The following VEPH1 variants were observed in gnomAD, a reference collection of about 807,000 sequenced individuals.
The protein encoded by VEPH1 is ventricular zone expressed PH domain containing 1, also known as ventricular zone-expressed PH domain-containing protein homolog 1.
Under a neutral mutation model 85.2 loss-of-function variants are expected in VEPH1, and 80 were observed. The observed-to-expected ratio is 0.94, with a 90% CI of 0.78 to 1.13. The LOEUF (loss-of-function observed/expected upper bound fraction) is 1.13. Ranked by LOEUF, VEPH1 falls within the 50% of genes most tolerant of loss-of-function variation. The pLI, the probability that VEPH1 is intolerant of heterozygous loss-of-function variation, is 0.00. For missense variants in VEPH1, 955 were observed against 980.5 expected (o/e 0.97, Z 0.35); for synonymous variants, 297 against 348.0 (o/e 0.85, Z 1.63).
Position 157,304,019 on chromosome 3 carries a change from T to TATATATATATATA in VEPH1, c.2010+9601_2010+9602insTATATATATATAT, listed in dbSNP as rs71872669. Among the ~76,000 whole-genome samples the TATATATATATATA allele has an allele frequency of 7.6e-4, 40 of 52,296 alleles. 1 individual carries two copies. The highest frequency in any genetic ancestry group is 7.5e-3 in the East Asian group (11 of 1,466). 34.3% of individuals were successfully genotyped at this position (52,296 alleles called of 152,430 possible). ...GTAGACTTAAATTTCTCATCTTATA[T>TATATATATATATA]TTTTTATATATATATATATACACAC... On this transcript the variant is annotated intron_variant, in intron 11 of 13. Coordinates refer to ENST00000362010, the MANE Select transcript of VEPH1 (RefSeq NM_001167912.2).
In VEPH1 at chr3:157,369,190, A is replaced by AAAC. The variant is rs1553773082; in HGVS notation, c.1128-4679_1128-4678insGTT. 1.1e-3 allele frequency among the ~76,000 whole-genome samples: 158 copies of AAAC among 145,336 alleles called. 6 individuals are homozygous for AAAC. The highest frequency in any genetic ancestry group is 3.7e-3 in the African/African-American group (147 of 39,920). ...CAACAAAAACCAAATGAAAAAAAAA[A>AAAC]AAAAAAAAAAAAAACCTCCTGAGGT... is the stretch of plus-strand genomic sequence containing the variant. On this transcript the variant is annotated intron_variant, in intron 7 of 13. Transcript: ENST00000362010.
At chr3:157,457,319 T>C (rs1359985490) in intron 4 of VEPH1, among the ~76,000 whole-genome samples, 2 of 152,206 alleles carry the variant, frequency 1.3e-5, no homozygotes, top group Non-Finnish European at 2.9e-5. Flanking sequence ...GATCATGTCA[T>C]CTACAAATAG....
chr3:157,480,357 A>G (rs941112267), intron 2 of VEPH1, among the ~76,000 whole-genome samples: 1 of 152,134 alleles, frequency 6.6e-6, no homozygotes, highest in African/African-American at 2.4e-5. Context: ...TTACAAGAGT[A>G]TATTTTATGA....
intron 4 of VEPH1, among the ~76,000 whole-genome samples, chr3:157,440,527 T>G (rs1282279898): frequency 6.6e-6 from 1 of 152,168 alleles, no homozygotes; most frequent in Non-Finnish European, 1.5e-5. Context: ...GCATATCTTC[T>G]TTAGGTTGTT....
intron 6 of VEPH1, among the ~76,000 whole-genome samples, chr3:157,389,692 T>C (rs1007725169): frequency 3.9e-5 from 5 of 128,026 alleles, no homozygotes; most frequent in East Asian, 2.3e-4. Flanking sequence ...GATAGATAGA[T>C]AGAAATGCGT....
At chr3:157,358,982 G>A (rs1035151304) in intron 9 of VEPH1, among the ~76,000 whole-genome samples, 20 of 152,070 alleles carry the variant, frequency 1.3e-4, no homozygotes, top group African/African-American at 4.8e-4. Flanking sequence ...GTGACAGAGT[G>A]AGACTCCATC....
At chr3:157,402,595 A>C (rs1368702122) in intron 6 of VEPH1, among the ~76,000 whole-genome samples, 1 of 152,154 alleles carries the variant, frequency 6.6e-6, no homozygotes, top group African/African-American at 2.4e-5. Context: ...TACTTTTCTG[A>C]GTGAATTGTT....
At chr3:157,458,127 T>C (rs1735533661) in intron 4 of VEPH1, among the ~76,000 whole-genome samples, 2 of 152,232 alleles carry the variant, frequency 1.3e-5, no homozygotes, top group East Asian at 3.8e-4. Flanking sequence ...TAGTTTCCTC[T>C]AGATTTTCTA....
At chr3:157,404,017 C>G (rs1460817414) in intron 6 of VEPH1, among the ~76,000 whole-genome samples, 1 of 152,126 alleles carries the variant, frequency 6.6e-6, no homozygotes, top group Non-Finnish European at 1.5e-5. Flanking sequence ...TTGGGGACCA[C>G]ATGGGATGGA....
At chr3:157,398,705 C>T (rs1009347649) in intron 6 of VEPH1, among the ~76,000 whole-genome samples, 1 of 152,024 alleles carries the variant, frequency 6.6e-6, no homozygotes, top group African/African-American at 2.4e-5. Context: ...AGGGCGGGCT[C>T]AACTATGATT....
At chr3:157,353,565 C>A (rs750980992) in intron 9 of VEPH1, among the ~76,000 whole-genome samples, 15 of 152,074 alleles carry the variant, frequency 9.9e-5, no homozygotes, top group Non-Finnish European at 1.6e-4. Flanking sequence ...TGCACTCAGC[C>A]CCAGTGTGAT....
At chr3:157,437,577 C>G in intron 4 of VEPH1, 1 of 1,595,782 alleles carries the variant, frequency 6.3e-7, no homozygotes, top group Non-Finnish European at 8.5e-7. Context: ...TGCTGGAGAA[C>G]TCGCAGATGA....
chr3:157,423,727 G>A (rs1477364637), intron 5 of VEPH1, among the ~76,000 whole-genome samples: 1 of 152,212 alleles, frequency 6.6e-6, no homozygotes, highest in African/African-American at 2.4e-5. Flanking sequence ...TTGGTTCTAT[G>A]AATGTTTATT....
chr3:157,275,028 G>GAAT (rs1228553293), intron 12 of VEPH1, among the ~76,000 whole-genome samples: 2 of 152,046 alleles, frequency 1.3e-5, no homozygotes, highest in Non-Finnish European at 2.9e-5. Flanking sequence ...AGTCTGGAAG[G>GAAT]AATGACAATA....
At chr3:157,384,217 C>T (rs1182911380) in intron 6 of VEPH1, among the ~76,000 whole-genome samples, 6 of 152,174 alleles carry the variant, frequency 3.9e-5, no homozygotes, top group Non-Finnish European at 7.3e-5. Flanking sequence ...ACTTAGGACA[C>T]ATCTCAGAGA....
chr3:157,272,678 TC>T (rs1311264925), intron 12 of VEPH1, among the ~76,000 whole-genome samples: 1 of 151,944 alleles, frequency 6.6e-6, no homozygotes, highest in African/African-American at 2.4e-5. Context: ...TCGCCCATGG[TC>T]CTCAAACTCC....
intron 2 of VEPH1, among the ~76,000 whole-genome samples, chr3:157,476,040 G>T (rs920552680): frequency 6.6e-6 from 1 of 152,210 alleles, no homozygotes; most frequent in Non-Finnish European, 1.5e-5. Context: ...ACAAAGCAGA[G>T]GGAATGACTC....
chr3:157,431,171 T>C (rs555379029), intron 4 of VEPH1, among the ~76,000 whole-genome samples: 33 of 152,278 alleles, frequency 2.2e-4, no homozygotes, highest in Non-Finnish European at 3.5e-4. Flanking sequence ...TCCGCTGTAC[T>C]CTCCCTCACT....
At chr3:157,330,933 G>A (rs959804132) in intron 9 of VEPH1, among the ~76,000 whole-genome samples, 1 of 152,178 alleles carries the variant, frequency 6.6e-6, no homozygotes, top group African/African-American at 2.4e-5. Flanking sequence ...TATCCTGGTG[G>A]GACCCACCCC....
Sources: allele counts gnomAD v4.1 joint callset (sites outside exome capture counted in the v4.1 genomes callset), GRCh38; gene constraint gnomAD v4.1.1; transcripts MANE v1.5; gene names NCBI Gene and HGNC (gene_info 2026-07-23, HGNC 2026-07-21).